Variants in UQCC1 observed in about 807,000 individuals in gnomAD.
UQCC1 encodes bFGF-repressed Zic-binding protein.
A neutral mutation model predicts 48.0 loss-of-function variants in UQCC1; 38 were observed. The observed-to-expected ratio is 0.79, with a 90% CI of 0.61 to 1.04. The LOEUF (loss-of-function observed/expected upper bound fraction) is 1.04. Ranked by LOEUF, UQCC1 falls within the 50% of genes least tolerant of loss-of-function variation. UQCC1 has a pLI of 0.00. For synonymous variants in UQCC1, 111 were observed against 129.2 expected, an observed-to-expected ratio of 0.86 and a Z score of 0.95; for missense variants, 368 against 381.8, an observed-to-expected ratio of 0.96 and a Z score of 0.30.
chr20:35,339,435 T>A (rs1422078273), intron 7 of UQCC1, among the ~76,000 whole-genome samples: 1 of 152,078 alleles, frequency 6.6e-6, no homozygotes, highest in East Asian at 1.9e-4. Flanking sequence ...TGTCTTATAG[T>A]GCCATGAGCA....
chr20:35,364,916 T>C (rs1477860562), intron 6 of UQCC1, among the ~76,000 whole-genome samples: 3 of 152,200 alleles, frequency 2.0e-5, no homozygotes, highest in African/African-American at 4.8e-5. Context: ...TTCTGAATAT[T>C]ATCTTTGAGT....
At chr20:35,396,284 CTTTTTTT>C (rs34830667) in intron 1 of UQCC1, among the ~76,000 whole-genome samples, 98 of 94,406 alleles carry the variant, frequency 1.0e-3, no homozygotes, top group Middle Eastern at 7.6e-3. Context: ...TGTGCCTGGC[CTTTTTTT>C]TTTTTTTTTT....
At chr20:35,354,687 G>C (rs2061526629) in intron 6 of UQCC1, among the ~76,000 whole-genome samples, 1 of 151,000 alleles carries the variant, frequency 6.6e-6, no homozygotes, top group East Asian at 2.0e-4. Flanking sequence ...GAGCCACCAT[G>C]CCCAGCCAAA....
At chr20:35,393,057 T>C (rs1210224) in intron 2 of UQCC1, among the ~76,000 whole-genome samples, 112,987 of 151,684 alleles carry the variant, frequency 0.74, 42,533 homozygotes, top group East Asian at 0.89. Context: ...GTAACATTTC[T>C]TACCCAATTT....
chr20:35,407,551 C>A (rs1278640286), intron 1 of UQCC1, among the ~76,000 whole-genome samples: 1 of 152,070 alleles, frequency 6.6e-6, no homozygotes, highest in African/African-American at 2.4e-5. Flanking sequence ...AGGAAAAATA[C>A]ATGCAAATCA....
At chr20:35,362,226 T>C (rs1189463083) in intron 6 of UQCC1, among the ~76,000 whole-genome samples, 1 of 152,234 alleles carries the variant, frequency 6.6e-6, no homozygotes, top group African/African-American at 2.4e-5. Flanking sequence ...ATATTTCTAC[T>C]ACATAGTTTT....
intron 5 of UQCC1, among the ~76,000 whole-genome samples, chr20:35,371,055 C>G (rs1450226781): frequency 6.6e-6 from 1 of 152,132 alleles, no homozygotes; most frequent in African/African-American, 2.4e-5. Context: ...AATATAAAAC[C>G]ATACTATATG....
intron 1 of UQCC1, among the ~76,000 whole-genome samples, chr20:35,403,237 G>T (rs2062194981): frequency 6.6e-6 from 1 of 152,096 alleles, no homozygotes; most frequent in Non-Finnish European, 1.5e-5. Flanking sequence ...AACAAATATG[G>T]CAAGGCAAAA....
intron 1 of UQCC1, among the ~76,000 whole-genome samples, chr20:35,399,332 AAG>A (rs2062126313): frequency 6.6e-6 from 1 of 152,218 alleles, no homozygotes; most frequent in East Asian, 1.9e-4. Flanking sequence ...AGTGGTTTCC[AAG>A]GACCTCTTTA....
At chr20:35,316,514 G>C (rs2061060548) in intron 7 of UQCC1, among the ~76,000 whole-genome samples, 1 of 152,170 alleles carries the variant, frequency 6.6e-6, no homozygotes, top group Non-Finnish European at 1.5e-5. Context: ...TTATCCTGTG[G>C]CTCATAACTA....
intron 5 of UQCC1, among the ~76,000 whole-genome samples, chr20:35,367,527 G>A (rs1222738367): frequency 6.6e-6 from 1 of 152,158 alleles, no homozygotes; most frequent in Non-Finnish European, 1.5e-5. Flanking sequence ...GGGAGGCTGA[G>A]GTGGGTGGAT....
In UQCC1 at chr20:35,303,931, C is replaced by A. The variant is rs755997062; in HGVS notation, c.*4G>T. The A allele has an allele frequency of 1.2e-6, 2 of 1,614,174 alleles. No individual in the cohort carries two copies. The highest frequency in any genetic ancestry group is 2.2e-5 in the South Asian group (2 of 91,084). On this transcript the variant is annotated 3_prime_UTR_variant, in exon 10 of 10. Coordinates refer to ENST00000374385, the MANE Select transcript of UQCC1 (RefSeq NM_018244.5). ...CTGGCGGGCCGTGCGGAGGGCCCAGCCCATCAAAGTCCCTCGTCGTTGTAA... is the reference window on the plus strand; with the variant it reads ...CTGGCGGGCCGTGCGGAGGGCCCAGACCATCAAAGTCCCTCGTCGTTGTAA...
intron 7 of UQCC1, among the ~76,000 whole-genome samples, chr20:35,319,889 A>G (rs1451808212): frequency 6.6e-6 from 1 of 152,210 alleles, no homozygotes; most frequent in Non-Finnish European, 1.5e-5. Flanking sequence ...GTGACTGCTT[A>G]ACAGAGGAAC....
chr20:35,406,690 A>G (rs1013198340), intron 1 of UQCC1, among the ~76,000 whole-genome samples: 1 of 152,228 alleles, frequency 6.6e-6, no homozygotes, highest in Non-Finnish European at 1.5e-5. Flanking sequence ...CTGTTTAGGT[A>G]AATAAAAAAT....
At chr20:35,356,864 AG>A (rs2061552190) in intron 6 of UQCC1, among the ~76,000 whole-genome samples, 1 of 152,232 alleles carries the variant, frequency 6.6e-6, no homozygotes, top group Admixed American at 6.5e-5. Flanking sequence ...GGAAAAAAAA[AG>A]ACTGGCTAAC....
chr20:35,347,881 T>A (rs1224491747), intron 6 of UQCC1, among the ~76,000 whole-genome samples: 1 of 152,222 alleles, frequency 6.6e-6, no homozygotes, highest in African/African-American at 2.4e-5. Context: ...CTGGGTTACA[T>A]ACAATCTATT....
At chr20:35,372,345 A>G (rs1195663901) in intron 5 of UQCC1, among the ~76,000 whole-genome samples, 1 of 152,008 alleles carries the variant, frequency 6.6e-6, no homozygotes. Context: ...AGCAGTTTCT[A>G]ATATTAATAG....
chr20:35,351,729 A>G (rs1263853713), intron 6 of UQCC1, among the ~76,000 whole-genome samples: 1 of 152,254 alleles, frequency 6.6e-6, no homozygotes, highest in Non-Finnish European at 1.5e-5. Context: ...TTCTCAGACC[A>G]TAAACTTTCT....
In UQCC1 at chr20:35,347,360, A is replaced by C; in HGVS notation, c.465-88T>G. 2.7e-6 allele frequency: 4 copies of C among 1,502,790 alleles called. No individual in the cohort carries two copies. The South Asian group carries it at 4.6e-5, about 17-fold the overall frequency. 93.1% of individuals were successfully genotyped at this position (1,502,790 alleles called of 1,614,324 possible). A position where few individuals can be genotyped will look rare whatever the true frequency, so the allele number is the denominator to read the frequency against. ...CTGAAGGTCTCCTCATCTAAGAGTG[A>C]GTTTAGCAAAGGGCACCAAATCAAA... On this transcript the variant is annotated intron_variant, in intron 6 of 9. Transcript: ENST00000374385.
Sources: allele counts gnomAD v4.1 joint callset (sites outside exome capture counted in the v4.1 genomes callset), GRCh38; gene constraint gnomAD v4.1.1; transcripts MANE v1.5; gene names NCBI Gene and HGNC (gene_info 2026-07-23, HGNC 2026-07-21).